DR1: variants seen among roughly 807,000 people sequenced by gnomAD.
DR1 encodes down-regulator of transcription 1, also known as protein Dr1.
Under a neutral mutation model 19.9 loss-of-function variants are expected in DR1, and 7 were observed. The ratio of observed to expected loss-of-function variants is 0.35; its 90% CI spans 0.20 to 0.66. DR1 has a LOEUF of 0.66. Among genes scored for constraint, DR1 ranks in the 30% least tolerant of loss-of-function variants. The probability of loss-of-function intolerance (pLI) is 0.66; values close to 1 mark genes in which losing one functional copy is unlikely to be tolerated. For missense variants in DR1, 98 were observed against 203.7 expected (o/e 0.48, Z 3.16); for synonymous variants, 76 against 72.5 (o/e 1.05, Z -0.24).
At chr1:93,357,018 G>A (rs985222662) in intron 2 of DR1, among the ~76,000 whole-genome samples, 8 of 152,092 alleles carry the variant, frequency 5.3e-5, no homozygotes, top group South Asian at 2.1e-4. Context: ...CACCGCGCCC[G>A]GCCTTAAAAT....
In DR1 at chr1:93,346,059, T is replaced by G. The variant is rs1016916892; in HGVS notation, c.-587T>G. On this transcript the variant is annotated 5_prime_UTR_variant, in exon 1 of 3. The change creates a new upstream start codon in the 5' untranslated region. Transcript: ENST00000370272. ...CCACTGTGCCTGGCTCTGTCCATAT[T>G]AGTTCCCAGGCGGCCGTCGCCGTTC... is the stretch of plus-strand genomic sequence containing the variant. The G allele has an allele frequency of 5.0e-6, 1 of 198,394 alleles. No individual in the cohort carries two copies. Among genetic ancestry groups the G allele is most frequent in the Non-Finnish European group, 1.0e-5 (1 of 99,152 alleles). The allele number at this position is 198,394 out of a possible 1,614,324, so 12.3% of individuals were successfully genotyped here.
chr1:93,351,905 C>G (rs761741664), intron 1 of DR1, among the ~76,000 whole-genome samples: 5 of 152,066 alleles, frequency 3.3e-5, no homozygotes, highest in Non-Finnish European at 7.4e-5. Context: ...GTCCTGTACA[C>G]TTATGAGGGT....
In DR1 at chr1:93,346,638, A is replaced by G. The variant is rs1666845623; in HGVS notation, c.-8A>G. The G allele has an allele frequency of 6.2e-7, 1 of 1,612,206 alleles. No homozygotes were observed. Reference sequence around the variant, plus strand: ...TAAAAGCCGGGGCGCGAGAAACAGGAAGGTACTATGGCTTCCTCGTCTGGC... The same window carrying G: ...TAAAAGCCGGGGCGCGAGAAACAGGGAGGTACTATGGCTTCCTCGTCTGGC... On this transcript the variant is annotated 5_prime_UTR_variant, in exon 1 of 3. Transcript: ENST00000370272.
intron 1 of DR1, among the ~76,000 whole-genome samples, 193 bp downstream of exon 1, chr1:93,347,058 G>A (rs1041187789): frequency 2.0e-5 from 3 of 152,166 alleles, no homozygotes; most frequent in African/African-American, 7.2e-5. Flanking sequence ...TTTTCATCCA[G>A]CGAATACATG....
chr1:93,354,882 TAAAAAG>T, intron 2 of DR1: 1 of 152,130 alleles, frequency 6.6e-6, no homozygotes, highest in Non-Finnish European at 1.5e-5. Context: ...TTAAACAAGA[TAAAAAG>T]AAAAACTTAC....
rs3087458 is a variant in DR1, at chr1:93,346,581, G to T, written c.-65G>T. On this transcript the variant is annotated 5_prime_UTR_variant, in exon 1 of 3. Transcript: ENST00000370272. ...CGAGGGCGACTTTTTGAGAAATCTC[G>T]GTGGAGTAGTGGACCAGAGCTGGGG... The T allele has an allele frequency of 0.019, 26,544 of 1,374,554 alleles. 355 individuals are homozygous for T. Among genetic ancestry groups the T allele is most frequent in the Non-Finnish European group, 0.021 (20,548 of 977,850 alleles). 85.1% of individuals were successfully genotyped at this position (1,374,554 alleles called of 1,614,324 possible). A position where few individuals can be genotyped will look rare whatever the true frequency, so the allele number is the denominator to read the frequency against.
intron 1 of DR1, among the ~76,000 whole-genome samples, chr1:93,350,180 A>T (rs991184568): frequency 4.6e-5 from 7 of 152,158 alleles, no homozygotes; most frequent in African/African-American, 1.7e-4. Context: ...TTACTTATTG[A>T]ATACTACCAA....
At position 93,362,375 on chromosome 1, in the gene DR1, C is replaced by A. The variant is rs1346914253; in HGVS notation, c.*1736C>A. Reference sequence around the variant, plus strand: ...GCTTTTCTAATTTGTACTGTAACATCCTTATACTTTCTATTTTAAGTATAT... The same window carrying A: ...GCTTTTCTAATTTGTACTGTAACATACTTATACTTTCTATTTTAAGTATAT... On this transcript the variant is annotated 3_prime_UTR_variant, in exon 3 of 3. Transcript: ENST00000370272. 4 of 151,644 alleles carry A rather than the reference C, an allele frequency of 2.6e-5. No individual in the cohort carries two copies. Among genetic ancestry groups the A allele is most frequent in the Non-Finnish European group, 4.4e-5 (3 of 67,766 alleles). 9.4% of individuals were successfully genotyped at this position (151,644 alleles called of 1,614,324 possible).
At position 93,363,350 on chromosome 1, in the gene DR1, C is replaced by CCAAAAT. The variant is rs1557748621; in HGVS notation, c.*2711_*2712insCAAAAT. The CCAAAAT allele has an allele frequency of 2.0e-5, 3 of 152,136 alleles. No homozygotes were observed. Among genetic ancestry groups the CCAAAAT allele is most frequent in the Non-Finnish European group, 2.9e-5 (2 of 68,056 alleles). The allele number at this position is 152,136 out of a possible 1,614,324, so 9.4% of individuals were successfully genotyped here. Reference sequence around the variant, plus strand: ...AGTTTCTTGTTGCCACTGTAACAAACTACCACAAACTTAGTGACTTAAAAC... The same window carrying CCAAAAT: ...AGTTTCTTGTTGCCACTGTAACAAACCAAAATTACCACAAACTTAGTGACTTAAAAC... On this transcript the variant is annotated 3_prime_UTR_variant, in exon 3 of 3. Coordinates refer to ENST00000370272, the MANE Select transcript of DR1 (RefSeq NM_001938.3).
At position 93,367,149 on chromosome 1, in the gene DR1, CAAAAAAAAAAAA is replaced by C; in HGVS notation, c.*6516_*6527del. ...TGGGTGACAGAATGAGACCCTGTCT[CAAAAAAAAAAAA>C]AAAAAGTAAAAATTATTTACCCAAT... On this transcript the variant is annotated 3_prime_UTR_variant, in exon 3 of 3. Transcript: ENST00000370272. 1.4e-5 allele frequency: 2 copies of C among 142,192 alleles called. No individual in the cohort carries two copies. The highest frequency in any genetic ancestry group is 4.3e-4 in the South Asian group (2 of 4,618). The allele number at this position is 142,192 out of a possible 1,614,324, so 8.8% of individuals were successfully genotyped here.
At chr1:93,347,268 C>T (rs1462475921) in intron 1 of DR1, among the ~76,000 whole-genome samples, 1 of 152,094 alleles carries the variant, frequency 6.6e-6, no homozygotes, top group Non-Finnish European at 1.5e-5. Flanking sequence ...GACAGAGCAC[C>T]CCCTTCCCCA....
intron 2 of DR1, among the ~76,000 whole-genome samples, chr1:93,354,727 A>G (rs1036905277): frequency 1.3e-5 from 2 of 152,176 alleles, no homozygotes; most frequent in Non-Finnish European, 2.9e-5. Context: ...CGTAGTAACC[A>G]TTAGAACTGG....
intron 1 of DR1, among the ~76,000 whole-genome samples, chr1:93,352,777 T>C (rs772466453): frequency 1.3e-5 from 2 of 152,238 alleles, no homozygotes; most frequent in Admixed American, 6.5e-5. Flanking sequence ...AATATGCCTT[T>C]GGGGCATTAG....
intron 1 of DR1, among the ~76,000 whole-genome samples, chr1:93,353,164 G>A (rs1046287712): frequency 6.6e-6 from 1 of 151,856 alleles, no homozygotes; most frequent in Admixed American, 6.6e-5. Context: ...CAAAGTACTG[G>A]AATTACAGGC....
chr1:93,354,992 A>G (rs1401111917), intron 2 of DR1: 1 of 152,208 alleles, frequency 6.6e-6, no homozygotes, highest in Non-Finnish European at 1.5e-5. Flanking sequence ...CATAGGCACT[A>G]AAGAGGAAAA....
chr1:93,363,659 C>A lies in DR1; in HGVS notation c.*3020C>A, dbSNP rs180694678. ...TCACCTGCATAAAGCAGGGATAATCCCCCTATCTCAAGATCCTTAATTTAA... is the reference window on the plus strand; with the variant it reads ...TCACCTGCATAAAGCAGGGATAATCACCCTATCTCAAGATCCTTAATTTAA... On this transcript the variant is annotated 3_prime_UTR_variant, in exon 3 of 3. Transcript: ENST00000370272. 6.9e-6 allele frequency: 1 copy of A among 144,984 alleles called. No homozygotes were observed. The highest frequency in any genetic ancestry group is 1.5e-5 in the Non-Finnish European group (1 of 67,988). The allele number at this position is 144,984 out of a possible 1,614,324, so 9.0% of individuals were successfully genotyped here.
chr1:93,353,123 G>A (rs1666936628), intron 1 of DR1, among the ~76,000 whole-genome samples: 1 of 151,622 alleles, frequency 6.6e-6, no homozygotes, highest in African/African-American at 2.4e-5. Context: ...TTGAACTCCT[G>A]GACTAAAGGG....
rs1667088864 is a variant in DR1 at position 93,363,857 on chromosome 1, T to C, written c.*3218T>C. 6.6e-6 allele frequency: 1 copy of C among 152,260 alleles called. No homozygotes were observed. The highest frequency in any genetic ancestry group is 6.5e-5 in the Admixed American group (1 of 15,284). 9.4% of individuals were successfully genotyped at this position (152,260 alleles called of 1,614,324 possible). A position where few individuals can be genotyped will look rare whatever the true frequency, so the allele number is the denominator to read the frequency against. On this transcript the variant is annotated 3_prime_UTR_variant, in exon 3 of 3. Transcript: ENST00000370272. ...ATTGCTGTATAGTCTTCCGTTTGTT[T>C]ATCCATTTTTCATTACATCCAAAAG... is the stretch of plus-strand genomic sequence containing the variant.
chr1:93,362,717 T>C lies in DR1; in HGVS notation c.*2078T>C, dbSNP rs963023451. The stretch of plus-strand genomic sequence containing the variant: ...TGTAGTACCTGCCTTTTGTTTTTGT[T>C]TACTGTTATTTCAAAAAATGTGGTT... On this transcript the variant is annotated 3_prime_UTR_variant, in exon 3 of 3. Coordinates refer to ENST00000370272, the MANE Select transcript of DR1 (RefSeq NM_001938.3). The C allele has an allele frequency of 1.3e-5, 2 of 151,786 alleles. No individual in the cohort carries two copies. The highest frequency in any genetic ancestry group is 2.9e-5 in the Non-Finnish European group (2 of 67,876). 9.4% of individuals were successfully genotyped at this position (151,786 alleles called of 1,614,324 possible). A position where few individuals can be genotyped will look rare whatever the true frequency, so the allele number is the denominator to read the frequency against.
Sources: gnomAD v4.1 joint callset for allele counts (sites outside exome capture counted in the v4.1 genomes callset) on GRCh38, gnomAD v4.1.1 for gene constraint, MANE v1.5 for transcripts, NCBI Gene and HGNC (gene_info 2026-07-23, HGNC 2026-07-21) for gene names.